The following INPP4B variants were observed in gnomAD, a reference collection of about 807,000 sequenced individuals.
INPP4B encodes the protein inositol polyphosphate-4-phosphatase type II B.
INPP4B carries 55 observed loss-of-function variants against 122.5 expected under a neutral mutation model. That is an observed-to-expected ratio of 0.45 (90% CI 0.36 to 0.56). The LOEUF is 0.56. Among genes scored for constraint, INPP4B ranks in the 20% least tolerant of loss-of-function variants. The pLI is 0.00. For synonymous variants in INPP4B, 403 were observed against 388.7 expected, an observed-to-expected ratio of 1.04 and a Z score of -0.43; for missense variants, 1,000 against 1,097.7, an observed-to-expected ratio of 0.91 and a Z score of 1.26.
intron 11 of INPP4B, among the ~76,000 whole-genome samples, chr4:142,245,967 TAC>T (rs374505168): frequency 2.0e-4 from 3 of 14,928 alleles, no homozygotes; most frequent in African/African-American, 4.0e-4. Flanking sequence ...TGTGTATGTA[TAC>T]ACACATGTGT....
At chr4:142,113,827 A>G (rs987739073) in intron 21 of INPP4B, among the ~76,000 whole-genome samples, 39 of 152,174 alleles carry the variant, frequency 2.6e-4, no homozygotes, top group Middle Eastern at 3.4e-3. Context: ...AGAAATTGAT[A>G]TGAATTCATG....
At chr4:142,095,794 C>T (rs986706549) in intron 23 of INPP4B, among the ~76,000 whole-genome samples, 2 of 152,096 alleles carry the variant, frequency 1.3e-5, no homozygotes, top group African/African-American at 4.8e-5. Context: ...AAAAGCTTCA[C>T]GATCAAATTT....
intron 18 of INPP4B, among the ~76,000 whole-genome samples, chr4:142,141,929 C>G (rs139119410): frequency 1.3e-5 from 2 of 151,776 alleles, no homozygotes; most frequent in African/African-American, 4.8e-5. Context: ...GAAATGTATC[C>G]CAACATAAAT....
At chr4:142,035,052 C>T (rs886813524) in intron 25 of INPP4B, among the ~76,000 whole-genome samples, 5 of 152,144 alleles carry the variant, frequency 3.3e-5, no homozygotes, top group African/African-American at 1.2e-4. Context: ...GTCTGTGTCT[C>T]CCTGTCTCGC....
chr4:142,112,874 A>G (rs1790930590), intron 21 of INPP4B, among the ~76,000 whole-genome samples, 192 bp from the exon 22 acceptor site: 1 of 152,128 alleles, frequency 6.6e-6, no homozygotes, highest in African/African-American at 2.4e-5. Context: ...GAATTCATTT[A>G]CGTGTGTGAT....
In INPP4B at chr4:142,550,810, C is replaced by T. The variant is rs557432761; in HGVS notation, c.-190-88084G>A. On this transcript the variant is annotated intron_variant, in intron 2 of 25. Coordinates refer to ENST00000262992, the MANE Select transcript of INPP4B (RefSeq NM_001101669.3). Reference sequence around the variant, plus strand: ...CAGTCTAGTTAGGGAGAGAGATATGCAAATAAATTATCTGGGTAATTATCT... The same window carrying T: ...CAGTCTAGTTAGGGAGAGAGATATGTAAATAAATTATCTGGGTAATTATCT... 9.9e-4 allele frequency among the ~76,000 whole-genome samples: 151 copies of T among 152,028 alleles called. 1 individual carries two copies. In the South Asian group the frequency reaches 0.031, roughly 31 times the overall value.
In INPP4B at chr4:142,095,921, A is replaced by G. The variant is rs139137475; in HGVS notation, c.2375-9665T>C. On this transcript the variant is annotated intron_variant, in intron 23 of 25. Transcript: ENST00000262992. ...TCTCTAATATTCATAAGTACATGTG[A>G]CACTTTTTAGTCACAGAAATTGACA... 2.6e-4 allele frequency among the ~76,000 whole-genome samples: 40 copies of G among 152,294 alleles called. 1 individual carries two copies. The highest frequency in any genetic ancestry group is 7.7e-4 in the African/African-American group (32 of 41,564).
chr4:142,639,703 C>A (rs1580586514), intron 2 of INPP4B, among the ~76,000 whole-genome samples: 1 of 152,058 alleles, frequency 6.6e-6, no homozygotes, highest in East Asian at 1.9e-4. Flanking sequence ...GACCCTAAAT[C>A]AAAATGAGTT....
chr4:142,492,945 T>C (rs961203322), intron 2 of INPP4B, among the ~76,000 whole-genome samples: 3 of 151,976 alleles, frequency 2.0e-5, no homozygotes, highest in Admixed American at 6.6e-5. Context: ...GAGGGAAAAA[T>C]GGTTTCTTGG....
intron 2 of INPP4B, among the ~76,000 whole-genome samples, chr4:142,706,355 C>T (rs1316507767): frequency 6.6e-6 from 1 of 152,194 alleles, no homozygotes; most frequent in Non-Finnish European, 1.5e-5. Context: ...TACCTTTGTA[C>T]TTGGTTCATG....
At chr4:142,684,685 C>A (rs563551161) in intron 2 of INPP4B, among the ~76,000 whole-genome samples, 2 of 152,072 alleles carry the variant, frequency 1.3e-5, no homozygotes, top group Admixed American at 6.6e-5. Flanking sequence ...TTGCATTTTC[C>A]TGAATATTCA....
chr4:142,122,503 T>C (rs1411757501), intron 20 of INPP4B, among the ~76,000 whole-genome samples: 5 of 116,372 alleles, frequency 4.3e-5, no homozygotes, highest in African/African-American at 1.8e-4. Flanking sequence ...CTGGAGAGAG[T>C]GTTTTAACCC....
chr4:142,479,991 T>A (rs899015487), intron 2 of INPP4B, among the ~76,000 whole-genome samples: 14 of 152,314 alleles, frequency 9.2e-5, no homozygotes, highest in Admixed American at 2.6e-4. Flanking sequence ...TCTTAACTAA[T>A]GTACAGGGAA....
chr4:142,248,728 A>T (rs537725628), intron 11 of INPP4B, among the ~76,000 whole-genome samples: 1 of 152,036 alleles, frequency 6.6e-6, no homozygotes, highest in East Asian at 1.9e-4. Flanking sequence ...TGGGGAAATC[A>T]ACTCTCTTGC....
intron 2 of INPP4B, among the ~76,000 whole-genome samples, chr4:142,685,956 C>T (rs553968517): frequency 5.8e-4 from 88 of 152,072 alleles, no homozygotes; most frequent in Admixed American, 3.9e-3. Context: ...AGAGTTTTGA[C>T]GTTTACAGCA....
At chr4:142,562,045 A>G (rs1404224952) in intron 2 of INPP4B, among the ~76,000 whole-genome samples, 1 of 151,712 alleles carries the variant, frequency 6.6e-6, no homozygotes, top group Non-Finnish European at 1.5e-5. Flanking sequence ...GAAAAAGAGG[A>G]AAAGCGAAAT....
chr4:142,412,687 C>T (rs1194642402), intron 5 of INPP4B, among the ~76,000 whole-genome samples: 1 of 152,138 alleles, frequency 6.6e-6, no homozygotes, highest in Non-Finnish European at 1.5e-5. Flanking sequence ...CTTCTGTATT[C>T]TCTGTAAAAT....
rs542724148 is a variant in INPP4B at position 142,824,770 on chromosome 4, T to C, written c.-254+21439A>G. Among the ~76,000 whole-genome samples, 162 of 151,126 alleles carry C rather than the reference T, an allele frequency of 1.1e-3. 5 individuals carry two copies. The highest frequency in any genetic ancestry group is 8.0e-4 in the Non-Finnish European group (54 of 67,910). The stretch of plus-strand genomic sequence containing the variant: ...TCAATGTTATTCTACTTTATAGAAA[T>C]GAATTTTTTAAATAAAAAGGATCCT... On this transcript the variant is annotated intron_variant, in intron 1 of 25. Transcript: ENST00000262992.
chr4:142,589,749 T>C (rs1311780382), intron 2 of INPP4B, among the ~76,000 whole-genome samples: 1 of 152,106 alleles, frequency 6.6e-6, no homozygotes, highest in Non-Finnish European at 1.5e-5. Flanking sequence ...AACCTTACCA[T>C]ATGACCCAGC....
Sources: gnomAD v4.1 joint callset for allele counts (sites outside exome capture counted in the v4.1 genomes callset) on GRCh38, gnomAD v4.1.1 for gene constraint, MANE v1.5 for transcripts, NCBI Gene and HGNC (gene_info 2026-07-23, HGNC 2026-07-21) for gene names.